The following PPL variants were observed in gnomAD, a reference collection of about 807,000 sequenced individuals.
PPL encodes the protein 190 kDa paraneoplastic pemphigus antigen.
A neutral mutation model predicts 194.4 loss-of-function variants in PPL; 198 were observed. That is an observed-to-expected ratio of 1.02 (90% confidence interval 0.91 to 1.15). The LOEUF is 1.15. Ranked by LOEUF, PPL falls within the 50% of genes most tolerant of loss-of-function variation. PPL has a pLI of 0.00. For synonymous variants in PPL, 1,220 were observed against 972.4 expected (o/e 1.25, Z -4.74); for missense variants, 2,885 against 2,294.8 (o/e 1.26, Z -5.25).
intron 11 of PPL, 118 bp from the exon 12 acceptor site, chr16:4,894,736 C>T: frequency 2.5e-6 from 3 of 1,214,606 alleles, no homozygotes; most frequent in South Asian, 1.5e-5. Context: ...CACTTGGACC[C>T]TCCCCGTAGA....
In PPL at chr16:4,885,209, C is replaced by A. The variant is rs780327130; in HGVS notation, c.3446G>T (p.Arg1149Met). ...DEAAKARASQ[R>M]EKTELLRKIW... ...CTTTCGGAGCAGCTCCGTCTTCTCC[C>A]TCTGGCTAGCGCGAGCCTTGGCAGC... Residue 1149 changes from arginine (R) to methionine (M), a missense_variant, in exon 22 of 22, where the codon AGG becomes ATG. Physicochemically the swap from Arg to Met is moderately conservative, Grantham distance 91. Transcript: ENST00000345988. The surrounding 1 kb of genome is among the most constrained non-coding windows in gnomAD (Gnocchi z 6.3). 4 of 1,614,072 alleles carry A rather than the reference C, an allele frequency of 2.5e-6. No homozygotes were observed. The highest frequency in any genetic ancestry group is 3.4e-6 in the Non-Finnish European group (4 of 1,180,030).
Position 4,920,979 on chromosome 16 carries a change from T to A in PPL, c.63-10030A>T, listed in dbSNP as rs545289156. On this transcript the variant is annotated intron_variant, in intron 1 of 21. Transcript: ENST00000345988. Reference sequence around the variant, plus strand: ...GCCTGAATGAGGACCCAGAACTTGGTTGGCAGCAGAAACAGCCCCCTCAGC... The same window carrying A: ...GCCTGAATGAGGACCCAGAACTTGGATGGCAGCAGAAACAGCCCCCTCAGC... Among the ~76,000 whole-genome samples the A allele has an allele frequency of 1.1e-3, 161 of 152,212 alleles. 1 individual carries two copies. The highest frequency in any genetic ancestry group is 3.7e-3 in the African/African-American group (153 of 41,528).
rs1213493322 is a variant in PPL at position 4,899,382 on chromosome 16, T to C, written c.609A>G (p.Ala203=). 4.4e-6 allele frequency: 7 copies of C among 1,604,514 alleles called. No individual in the cohort carries two copies. Among genetic ancestry groups the C allele is most frequent in the African/African-American group, 1.3e-5 (1 of 74,740 alleles). Residue 203 remains alanine, a splice_region_variant and synonymous_variant, in exon 7 of 22, where the codon GCA becomes GCG. Coordinates refer to ENST00000345988, the MANE Select transcript of PPL (RefSeq NM_002705.5). ...GGTGCTGCTGCCGGGCCTGTGATGCTGCCTGAAGGGGCCGGGGCAAGGAAA... is the reference window on the plus strand; with the variant it reads ...GGTGCTGCTGCCGGGCCTGTGATGCCGCCTGAAGGGGCCGGGGCAAGGAAA... ...ELRAKYQKLL[A]ASQARQQHLS...
chr16:4,885,982 C>A lies in PPL; in HGVS notation c.2673G>T (p.Glu891Asp). ...QRNRPDSGVE[E>D]AWKIRKELDE... is the part of the protein sequence containing the mutation. ...CCAGTTCCTTCCTGATCTTCCACGC[C>A]TCCTCCACTCCAGAGTCCGGCCTAT... The change falls in exon 22 of 22, where the codon GAG becomes GAT. Residue 891 changes from glutamate (E) to aspartate (D), a missense_variant. Physicochemically the swap from Glu to Asp is conservative, Grantham distance 45. Coordinates refer to ENST00000345988, the MANE Select transcript of PPL (RefSeq NM_002705.5). This position sits in a 1 kb window ranked among gnomAD's most constrained non-coding sequence, Gnocchi z 6.3. The A allele has an allele frequency of 6.2e-7, 1 of 1,613,944 alleles. No homozygotes were observed. Among genetic ancestry groups the A allele is most frequent in the Non-Finnish European group, 8.5e-7 (1 of 1,180,036 alleles).
Position 4,884,126 on chromosome 16 carries a change from C to A in PPL, c.4529G>T (p.Gly1510Val). ...VLSESVQVEK[G>V]DTEQEIQRLK... The stretch of plus-strand genomic sequence containing the variant: ...CCTCTGGATCTCTTGCTCGGTGTCG[C>A]CCTTCTCCACCTGGACACTCTCGGA... Residue 1510 changes from glycine (G) to valine (V), a missense_variant, in exon 22 of 22, where the codon GGC becomes GTC. Coordinates refer to ENST00000345988, the MANE Select transcript of PPL (RefSeq NM_002705.5). This position sits in a 1 kb window ranked among gnomAD's most constrained non-coding sequence, Gnocchi z 5.7. 6.2e-7 allele frequency: 1 copy of A among 1,613,460 alleles called. No homozygotes were observed. Among genetic ancestry groups the A allele is most frequent in the Non-Finnish European group, 8.5e-7 (1 of 1,179,980 alleles).
At chr16:4,926,893 C>CAAAAA (rs906386976) in intron 1 of PPL, among the ~76,000 whole-genome samples, 5 of 110,388 alleles carry the variant, frequency 4.5e-5, no homozygotes, top group Non-Finnish European at 6.9e-5. Context: ...AAAAAAAAAA[C>CAAAAA]AAAAAAAAAC....
In PPL at chr16:4,885,276, C is replaced by G; in HGVS notation, c.3379G>C (p.Glu1127Gln). 6.2e-7 allele frequency: 1 copy of G among 1,611,802 alleles called. No individual in the cohort carries two copies. Among genetic ancestry groups the G allele is most frequent in the Non-Finnish European group, 8.5e-7 (1 of 1,179,974 alleles). Residue 1127 changes from glutamate to glutamine, a missense_variant, in exon 22 of 22, where the codon GAG (glutamate) becomes CAG (glutamine). Coordinates refer to ENST00000345988, the MANE Select transcript of PPL (RefSeq NM_002705.5). The surrounding 1 kb of genome is among the most constrained non-coding windows in gnomAD (Gnocchi z 6.3). ...CGGGTGAGATCGCTGACCTCCCTCT[C>G]GGTGGCCGCGTCCTTCTCCACCTTG... is the stretch of plus-strand genomic sequence containing the variant. ...VLKVEKDAAT[E>Q]REVSDLTRQY...
In PPL at chr16:4,901,196, A is replaced by T; in HGVS notation, c.439-107T>A. On this transcript the variant is annotated intron_variant, in intron 4 of 21. Transcript: ENST00000345988. ...TGGGCATGATGGTGCTCTCTTTTTCACGGGGCCCTGCAGAGCCACAAGGAG... is the reference window on the plus strand; with the variant it reads ...TGGGCATGATGGTGCTCTCTTTTTCTCGGGGCCCTGCAGAGCCACAAGGAG... The T allele has an allele frequency of 3.1e-6, 4 of 1,281,766 alleles. No homozygotes were observed. In the South Asian group the frequency reaches 5.8e-5, roughly 19 times the overall value. The allele number at this position is 1,281,766 out of a possible 1,614,324, so 79.4% of individuals were successfully genotyped here. A position where few individuals can be genotyped will look rare whatever the true frequency, so the allele number is the denominator to read the frequency against.
chr16:4,909,584 G>A (rs761571156), intron 2 of PPL, among the ~76,000 whole-genome samples: 1 of 151,852 alleles, frequency 6.6e-6, no homozygotes, highest in Non-Finnish European at 1.5e-5. Flanking sequence ...GCACCACCAC[G>A]CCCAGCTAAT....
chr16:4,889,796 A>T (rs1180414626), intron 18 of PPL, among the ~76,000 whole-genome samples: 7 of 152,148 alleles, frequency 4.6e-5, no homozygotes, highest in African/African-American at 1.7e-4. Flanking sequence ...CATCTCAGCC[A>T]TTGGCTTCCC....
chr16:4,927,162 A>C (rs1185203756), intron 1 of PPL, among the ~76,000 whole-genome samples: 3 of 152,206 alleles, frequency 2.0e-5, no homozygotes, highest in African/African-American at 7.2e-5. Context: ...TGAGATTACA[A>C]AACACACACC....
At chr16:4,910,116 G>T (rs938338574) in intron 2 of PPL, among the ~76,000 whole-genome samples, 1 of 152,156 alleles carries the variant, frequency 6.6e-6, no homozygotes, top group African/African-American at 2.4e-5. Context: ...GTCCCTCAGG[G>T]TACAGAGGCT....
intron 1 of PPL, among the ~76,000 whole-genome samples, chr16:4,917,993 A>G (rs1225856357): frequency 2.0e-5 from 3 of 151,332 alleles, no homozygotes; most frequent in African/African-American, 7.3e-5. Context: ...CTACAAAAAA[A>G]AAAAACACAA....
At position 4,884,287 on chromosome 16, in the gene PPL, C is replaced by T. The variant is rs200810535; in HGVS notation, c.4368G>A (p.Ala1456=). The T allele has an allele frequency of 5.0e-5, 80 of 1,612,752 alleles. No individual in the cohort carries two copies. The East Asian group carries it at 1.3e-3, about 26-fold the overall frequency. ...KVVLQQDPQQ[A]REHALLRLQL... is the part of the protein sequence containing the mutation. ...GGAGTCGGAGCAGGGCATGCTCTCGCGCCTGCTGCGGGTCCTGCTGCAGCA... is the reference window on the plus strand; with the variant it reads ...GGAGTCGGAGCAGGGCATGCTCTCGTGCCTGCTGCGGGTCCTGCTGCAGCA... Residue 1456 remains alanine (A), a synonymous_variant, in exon 22 of 22, where the codon GCG becomes GCA. Coordinates refer to ENST00000345988, the MANE Select transcript of PPL (RefSeq NM_002705.5). The surrounding 1 kb of genome is among the most constrained non-coding windows in gnomAD (Gnocchi z 5.7).
chr16:4,916,001 G>A lies in PPL; in HGVS notation c.63-5052C>T, dbSNP rs552734910. On this transcript the variant is annotated intron_variant, in intron 1 of 21. Transcript: ENST00000345988. ...AATGCCAAGAGCCCAAAACCACACC[G>A]GGATGCCACTTTTCATCCACTACAA... is the stretch of plus-strand genomic sequence containing the variant. Among the ~76,000 whole-genome samples the A allele has an allele frequency of 4.6e-5, 7 of 152,194 alleles. No individual in the cohort carries two copies. In the East Asian group the frequency reaches 7.7e-4, roughly 17 times the overall value.
chr16:4,931,818 A>G (rs1452860727), intron 1 of PPL, among the ~76,000 whole-genome samples: 4 of 152,142 alleles, frequency 2.6e-5, no homozygotes, highest in Non-Finnish European at 5.9e-5. Flanking sequence ...CTTTCCCAAC[A>G]TGATCCGCCC....
intron 1 of PPL, among the ~76,000 whole-genome samples, chr16:4,927,200 GAC>G (rs2089170628): frequency 6.6e-6 from 1 of 152,094 alleles, no homozygotes; most frequent in Non-Finnish European, 1.5e-5. Flanking sequence ...CATTTTATAA[GAC>G]ACACACACTT....
chr16:4,900,434 C>CA (rs1457527716), intron 6 of PPL, among the ~76,000 whole-genome samples: 1 of 61,678 alleles, frequency 1.6e-5, no homozygotes, highest in Non-Finnish European at 3.1e-5. Flanking sequence ...TACTGCACGC[C>CA]TTTTTTTTTT....
At position 4,893,252 on chromosome 16, in the gene PPL, C is replaced by A. The variant is rs759321920; in HGVS notation, c.1611G>T (p.Arg537=). The A allele has an allele frequency of 1.9e-6, 3 of 1,592,558 alleles. No individual in the cohort carries two copies. The highest frequency in any genetic ancestry group is 2.7e-5 in the African/African-American group (2 of 74,620). Residue 537 remains arginine, a synonymous_variant, in exon 14 of 22, where the codon CGG becomes CGT. Transcript: ENST00000345988. ...CCCGCTCGGCACTGTCCTGCACAGC[C>A]CGGCCTTGCTCCAGTGGTGGCCGCA... ...GILRPPLEQG[R]AVQDSAERAK...
Sources: allele counts gnomAD v4.1 joint callset (sites outside exome capture counted in the v4.1 genomes callset), GRCh38; gene constraint gnomAD v4.1.1; non-coding constraint Gnocchi (gnomAD v3.1); transcripts MANE v1.5; gene names NCBI Gene and HGNC (gene_info 2026-07-23, HGNC 2026-07-21).